NUDT17: variants seen among roughly 807,000 people sequenced by gnomAD.
The protein encoded by NUDT17 is nudix hydrolase 17.
NUDT17 carries 38 observed loss-of-function variants against 38.6 expected under a neutral mutation model. That is an observed-to-expected ratio of 0.98 (90% CI 0.76 to 1.29). The LOEUF (loss-of-function observed/expected upper bound fraction) is 1.29. Ranked by LOEUF, NUDT17 falls within the 50% of genes most tolerant of loss-of-function variation. The probability of loss-of-function intolerance (pLI) is 0.00; values close to 1 mark genes in which losing one functional copy is unlikely to be tolerated. For synonymous variants in NUDT17, 192 were observed against 167.8 expected, an observed-to-expected ratio of 1.14 and a Z score of -1.11; for missense variants, 462 against 415.2, an observed-to-expected ratio of 1.11 and a Z score of -0.98.
intron 4 of NUDT17, 33 bp from the exon 5 acceptor site, chr1:145,847,217 A>G (rs1553732752): frequency 7.9e-7 from 1 of 1,260,788 alleles, no homozygotes; most frequent in Non-Finnish European, 1.1e-6. Flanking sequence ...AAAGTGACGG[A>G]AAGTTCTCAC....
At chr1:145,846,272 C>T (rs1553732468) in intron 2 of NUDT17, 76 bp downstream of exon 2, 3 of 1,502,552 alleles carry the variant, frequency 2.0e-6, no homozygotes, top group Non-Finnish European at 9.1e-7. Flanking sequence ...TTTTCCCAGT[C>T]TCAGAAGGAT....
intron 4 of NUDT17, 135 bp downstream of exon 4, chr1:145,846,825 T>C (rs1652715013): frequency 1.4e-6 from 1 of 714,470 alleles, no homozygotes; most frequent in African/African-American, 1.8e-5. Context: ...CTGTGTCATC[T>C]GTACCATCCA....
Position 145,846,189 on chromosome 1 carries a change from A to AC in NUDT17, c.374dup (p.Gly127TrpfsTer6). 2 of 1,585,004 alleles carry AC rather than the reference A, an allele frequency of 1.3e-6. No individual in the cohort carries two copies. Among genetic ancestry groups the AC allele is most frequent in the Admixed American group, 3.6e-5 (2 of 55,216 alleles). ...TGAGCGTTTCCCCCAACCTCTGGGT[A>AC]CCCCCGGGTGAGTATTCTGGGGACA... is the stretch of plus-strand genomic sequence containing the variant. On this transcript the variant is annotated frameshift_variant, in exon 2 of 8. Coordinates refer to ENST00000334513, the MANE Select transcript of NUDT17 (RefSeq NM_001012758.3). LOFTEE classifies it high-confidence loss of function.
Position 145,848,674 on chromosome 1 carries a change from G to A in NUDT17, c.*195G>A. 1.7e-6 allele frequency: 1 copy of A among 571,684 alleles called. No individual in the cohort carries two copies. Among genetic ancestry groups the A allele is most frequent in the South Asian group, 2.2e-5 (1 of 46,266 alleles). The allele number at this position is 571,684 out of a possible 1,614,324, so 35.4% of individuals were successfully genotyped here. A position where few individuals can be genotyped will look rare whatever the true frequency, so the allele number is the denominator to read the frequency against. ...CCTTCCACCTCCCTGGAAAGGTGCA[G>A]AATGAGCCAGGCCTAACTACAGGGC... is the stretch of plus-strand genomic sequence containing the variant. On this transcript the variant is annotated 3_prime_UTR_variant, in exon 8 of 8. Coordinates refer to ENST00000334513, the MANE Select transcript of NUDT17 (RefSeq NM_001012758.3).
At chr1:145,846,224 G>C in intron 2 of NUDT17, 28 bp downstream of exon 2, 7 of 1,556,892 alleles carry the variant, frequency 4.5e-6, no homozygotes, top group Non-Finnish European at 6.1e-6. Flanking sequence ...AAGGCCCCAA[G>C]TACAGAGAAG....
At position 145,847,701 on chromosome 1, in the gene NUDT17, A is replaced by AGAAGAG; in HGVS notation, c.713_714insGAAGAG (p.Asp238delinsGluLysSer). ...GAGACACCCGGACTTCTCCCCCAGG[A>AGAAGAG]CCTACCACCCTCTGTCCTGTAAGTA... On this transcript the variant is annotated protein_altering_variant, in exon 6 of 8. Transcript: ENST00000334513. 6.2e-7 allele frequency: 1 copy of AGAAGAG among 1,614,078 alleles called. No homozygotes were observed. The highest frequency in any genetic ancestry group is 2.2e-5 in the East Asian group (1 of 44,884).
rs185454073 is a variant in NUDT17, at chr1:145,846,657, C to T, written c.462C>T (p.Gly154=). ...AGAGTGGACTACACCTGCCCCAGGG[C>T]CAGTTCTCTTGGGTCCCTCTGGGTT... ...WEESGLHLPQ[G]QFSWVPLGLW... Residue 154 remains glycine, a synonymous_variant, in exon 4 of 8, where the codon GGC becomes GGT. Coordinates refer to ENST00000334513, the MANE Select transcript of NUDT17 (RefSeq NM_001012758.3). 1.2e-5 allele frequency: 20 copies of T among 1,613,968 alleles called. No individual in the cohort carries two copies. The Admixed American group carries it at 3.0e-4, about 24-fold the overall frequency.
intron 3 of NUDT17, 22 bp from the exon 4 acceptor site, chr1:145,846,576 A>C (rs1450954932): frequency 6.2e-7 from 1 of 1,611,644 alleles, no homozygotes; most frequent in Admixed American, 1.7e-5. Flanking sequence ...GGCCCCTCTG[A>C]TGTGTCTTCT....
intron 1 of NUDT17, 25 bp downstream of exon 1, chr1:145,845,857 G>T (rs1438604314): frequency 1.9e-6 from 3 of 1,563,724 alleles, no homozygotes; most frequent in East Asian, 2.4e-5. Flanking sequence ...GCCCCAGAGC[G>T]GGGGCAGTGA....
intron 4 of NUDT17, among the ~76,000 whole-genome samples, chr1:145,846,939 C>G (rs1405650706): frequency 5.9e-5 from 9 of 152,184 alleles, no homozygotes; most frequent in African/African-American, 2.2e-4. Context: ...CGCCTGTAAT[C>G]CCAACACTTT....
chr1:145,846,012 G>T lies in NUDT17; in HGVS notation c.193-1G>T. On this transcript the variant is annotated splice_acceptor_variant, in intron 1 of 7. Transcript: ENST00000334513. LOFTEE classifies it high-confidence loss of function. ...TAACCCAGCTGGCTTCCTTCTGCCA[G>T]CGACCCCCTTTCTGCCCTTTTGCGG... 1 of 1,597,532 alleles carries T rather than the reference G, an allele frequency of 6.3e-7. No homozygotes were observed. The highest frequency in any genetic ancestry group is 8.5e-7 in the Non-Finnish European group (1 of 1,172,870).
Position 145,845,682 on chromosome 1 carries a change from G to A in NUDT17, c.42G>A (p.Pro14=). The A allele has an allele frequency of 2.6e-6, 4 of 1,537,022 alleles. No individual in the cohort carries two copies. Among genetic ancestry groups the A allele is most frequent in the Non-Finnish European group, 3.5e-6 (4 of 1,136,346 alleles). ...VRVQLLLSRR[P]ESVSFARSVC... Reference sequence around the variant, plus strand: ...TGCAGCTGCTCCTGTCCCGGCGTCCGGAGTCGGTGAGCTTCGCACGGAGTG... The same window carrying A: ...TGCAGCTGCTCCTGTCCCGGCGTCCAGAGTCGGTGAGCTTCGCACGGAGTG... Residue 14 remains proline, a synonymous_variant, in exon 1 of 8, where the codon CCG becomes CCA. Transcript: ENST00000334513.
In NUDT17 at chr1:145,846,186, G is replaced by C; in HGVS notation, c.366G>C (p.Trp122Cys). 6.3e-7 allele frequency: 1 copy of C among 1,585,574 alleles called. No homozygotes were observed. Among genetic ancestry groups the C allele is most frequent in the Admixed American group, 1.8e-5 (1 of 55,218 alleles). ...ARTLSVSPNLWVPPGGHVELE... is the reference protein window; with the variant it reads ...ARTLSVSPNLCVPPGGHVELE... ...CCCTGAGCGTTTCCCCCAACCTCTG[G>C]GTACCCCCGGGTGAGTATTCTGGGG... is the stretch of plus-strand genomic sequence containing the variant. Residue 122 changes from tryptophan (W) to cysteine (C), a missense_variant, in exon 2 of 8, where the codon TGG becomes TGC. Trp to Cys is a radical substitution (Grantham distance 215). Coordinates refer to ENST00000334513, the MANE Select transcript of NUDT17 (RefSeq NM_001012758.3).
At chr1:145,847,771 A>C (rs1032966392) in intron 6 of NUDT17, 52 bp downstream of exon 6, 6 of 1,580,528 alleles carry the variant, frequency 3.8e-6, no homozygotes, top group Non-Finnish European at 5.2e-6. Context: ...ATTCATGTTG[A>C]GAAGTTCAGC....
Position 145,848,671 on chromosome 1 carries a change from GC to G in NUDT17, c.*193del. ...GGTCCTTCCACCTCCCTGGAAAGGT[GC>G]AGAATGAGCCAGGCCTAACTACAGG... On this transcript the variant is annotated 3_prime_UTR_variant, in exon 8 of 8. Coordinates refer to ENST00000334513, the MANE Select transcript of NUDT17 (RefSeq NM_001012758.3). 1.7e-6 allele frequency: 1 copy of G among 574,602 alleles called. No homozygotes were observed. Among genetic ancestry groups the G allele is most frequent in the Non-Finnish European group, 3.1e-6 (1 of 324,148 alleles). 35.6% of individuals were successfully genotyped at this position (574,602 alleles called of 1,614,324 possible).
Position 145,847,276 on chromosome 1 carries a change from G to T in NUDT17, c.522G>T (p.Trp174Cys). Residue 174 changes from tryptophan (W) to cysteine (C), a missense_variant, in exon 5 of 8, where the codon TGG becomes TGT. Physicochemically the swap from Trp to Cys is radical, Grantham distance 215 (BLOSUM62 -2). Coordinates refer to ENST00000334513, the MANE Select transcript of NUDT17 (RefSeq NM_001012758.3). Reference sequence around the variant, plus strand: ...CTGCCTACCCTCCTAGGCTGAGCTGGGGTTTACCCAAATACCATCACATTG... The same window carrying T: ...CTGCCTACCCTCCTAGGCTGAGCTGTGGTTTACCCAAATACCATCACATTG... The part of the protein sequence containing the change: ...WESAYPPRLS[W>C]GLPKYHHIVL... The T allele has an allele frequency of 6.2e-7, 1 of 1,609,970 alleles. No homozygotes were observed. The highest frequency in any genetic ancestry group is 8.5e-7 in the Non-Finnish European group (1 of 1,177,682).
In NUDT17 at chr1:145,848,700, C is replaced by T. The variant is rs1326912028; in HGVS notation, c.*221C>T. The T allele has an allele frequency of 3.9e-6, 2 of 518,626 alleles. No individual in the cohort carries two copies. Among genetic ancestry groups the T allele is most frequent in the Non-Finnish European group, 6.8e-6 (2 of 293,414 alleles). The allele number at this position is 518,626 out of a possible 1,614,324, so 32.1% of individuals were successfully genotyped here. On this transcript the variant is annotated 3_prime_UTR_variant, in exon 8 of 8. Transcript: ENST00000334513. ...AATGAGCCAGGCCTAACTACAGGGC[C>T]ATGAGCCTCTAGAAGCTTAGGGGGG... is the stretch of plus-strand genomic sequence containing the variant.
chr1:145,847,725 T>TA lies in NUDT17; in HGVS notation c.731+8dup. 4 of 1,613,912 alleles carry TA rather than the reference T, an allele frequency of 2.5e-6. 1 individual carries two copies. The highest frequency in any genetic ancestry group is 2.5e-6 in the Non-Finnish European group (3 of 1,179,836). On this transcript the variant is annotated splice_region_variant and intron_variant, in intron 6 of 7. Transcript: ENST00000334513. Reference sequence around the variant, plus strand: ...GACCTACCACCCTCTGTCCTGTAAGTAAGAGCTTCTCCCTCAGCCTCTAAT... The same window carrying TA: ...GACCTACCACCCTCTGTCCTGTAAGTAAAGAGCTTCTCCCTCAGCCTCTAAT...
chr1:145,847,750 T>C (rs781913419), intron 6 of NUDT17, 31 bp downstream of exon 6: 7 of 1,608,438 alleles, frequency 4.4e-6, no homozygotes, highest in Non-Finnish European at 6.0e-6. Context: ...CAGCCTCTAA[T>C]ACACCAACAT....
Sources: allele counts gnomAD v4.1 joint callset (sites outside exome capture counted in the v4.1 genomes callset), GRCh38; gene constraint gnomAD v4.1.1; transcripts MANE v1.5; gene names NCBI Gene and HGNC (gene_info 2026-07-23, HGNC 2026-07-21).